LDLRAD3: variants seen among roughly 807,000 people sequenced by gnomAD.
The protein encoded by LDLRAD3 is low-density lipoprotein receptor class A domain-containing protein 3.
LDLRAD3 carries 20 observed loss-of-function variants against 29.4 expected under a neutral mutation model. The observed-to-expected ratio is 0.68, with a 90% CI of 0.48 to 0.99. The LOEUF (loss-of-function observed/expected upper bound fraction) is 0.99, where lower values mean the gene tolerates loss of function less well. Among genes scored for constraint, LDLRAD3 ranks in the 50% least tolerant of loss-of-function variants. The pLI is 0.00. For synonymous variants in LDLRAD3, 157 were observed against 192.7 expected (o/e 0.81, Z 1.53); for missense variants, 420 against 454.3 (o/e 0.92, Z 0.69).
intron 2 of LDLRAD3, among the ~76,000 whole-genome samples, chr11:36,053,042 T>G (rs1452114796): frequency 6.6e-6 from 1 of 151,324 alleles, no homozygotes; most frequent in Non-Finnish European, 1.5e-5. Flanking sequence ...CTTCTTGGAG[T>G]GCCAAAGGGA....
chr11:36,145,086 C>A (rs550013513), intron 4 of LDLRAD3, among the ~76,000 whole-genome samples: 1 of 99,244 alleles, frequency 1.0e-5, no homozygotes, highest in African/African-American at 4.2e-5. Context: ...CCCGGCCAGC[C>A]GCCCCGTCCG....
At chr11:36,011,415 A>G (rs1002887912) in intron 1 of LDLRAD3, among the ~76,000 whole-genome samples, 8 of 152,142 alleles carry the variant, frequency 5.3e-5, no homozygotes, top group Non-Finnish European at 1.2e-4. Context: ...CATGGCCCCA[A>G]TCAGTGAAAA....
At chr11:36,073,648 A>G (rs1475272360) in intron 2 of LDLRAD3, among the ~76,000 whole-genome samples, 3 of 152,364 alleles carry the variant, frequency 2.0e-5, no homozygotes, top group South Asian at 2.1e-4. Context: ...CAGGCATGTG[A>G]TGATGCAAAT....
intron 1 of LDLRAD3, among the ~76,000 whole-genome samples, chr11:35,958,811 G>C (rs1851239235): frequency 6.6e-6 from 1 of 152,142 alleles, no homozygotes; most frequent in Non-Finnish European, 1.5e-5. Flanking sequence ...GTGTTACCTA[G>C]GGGGTGGAAA....
intron 1 of LDLRAD3, among the ~76,000 whole-genome samples, chr11:35,976,043 G>A (rs1215659237): frequency 6.6e-6 from 1 of 151,932 alleles, no homozygotes; most frequent in Non-Finnish European, 1.5e-5. Flanking sequence ...AAGAGGAGTT[G>A]GGCTGGTGAG....
intron 1 of LDLRAD3, among the ~76,000 whole-genome samples, chr11:35,950,193 A>G (rs182740553): frequency 1.4e-4 from 22 of 151,844 alleles, no homozygotes; most frequent in Admixed American, 1.3e-3. Context: ...TCTCGGAGGC[A>G]TTTCTAGACA....
chr11:36,190,869 A>G (rs550037974), intron 4 of LDLRAD3, among the ~76,000 whole-genome samples: 1 of 152,340 alleles, frequency 6.6e-6, no homozygotes, highest in African/African-American at 2.4e-5. Flanking sequence ...GTGTTTTTAC[A>G]AAGGTTCAAG....
chr11:36,200,745 C>T (rs1855115455), intron 4 of LDLRAD3, among the ~76,000 whole-genome samples: 2 of 152,244 alleles, frequency 1.3e-5, no homozygotes, highest in South Asian at 4.1e-4. Context: ...AAAGTGGGGC[C>T]GATGGTGCTC....
intron 4 of LDLRAD3, among the ~76,000 whole-genome samples, chr11:36,108,305 G>C: frequency 9.7e-6 from 1 of 102,700 alleles, no homozygotes; most frequent in South Asian, 3.5e-4. Context: ...GGGTGACAGA[G>C]CGAGACTCCA....
chr11:36,219,663 A>T (rs1855401598), intron 4 of LDLRAD3, among the ~76,000 whole-genome samples: 2 of 152,266 alleles, frequency 1.3e-5, no homozygotes, highest in Admixed American at 1.3e-4. Flanking sequence ...TTTGCTGTGG[A>T]TCATAGACAT....
chr11:36,115,213 T>C (rs750100041), intron 4 of LDLRAD3, among the ~76,000 whole-genome samples: 13 of 152,232 alleles, frequency 8.5e-5, no homozygotes, highest in Non-Finnish European at 1.6e-4. Context: ...GCAGATACTG[T>C]CTGACTGCAA....
chr11:36,213,049 A>ACCCCTCTCTTTCTCTCCCCCT lies in LDLRAD3; in HGVS notation c.455-14034_455-14014dup, dbSNP rs1855305092. Among the ~76,000 whole-genome samples, 1 of 89,928 alleles carries ACCCCTCTCTTTCTCTCCCCCT rather than the reference A, an allele frequency of 1.1e-5. No individual in the cohort carries two copies. Among genetic ancestry groups the ACCCCTCTCTTTCTCTCCCCCT allele is most frequent in the African/African-American group, 4.2e-5 (1 of 23,906 alleles). 59.0% of individuals were successfully genotyped at this position (89,928 alleles called of 152,430 possible). Reference sequence around the variant, plus strand: ...TTCTCTCTCTGTCTCTCTCTCCCCCACCCCTCTCTTTCTCTCCCCCTCGCT... The same window carrying ACCCCTCTCTTTCTCTCCCCCT: ...TTCTCTCTCTGTCTCTCTCTCCCCCACCCCTCTCTTTCTCTCCCCCTCCCCTCTCTTTCTCTCCCCCTCGCT... On this transcript the variant is annotated intron_variant, in intron 4 of 5. Coordinates refer to ENST00000315571, the MANE Select transcript of LDLRAD3 (RefSeq NM_174902.4). This position sits in a 1 kb window ranked among gnomAD's most constrained non-coding sequence, Gnocchi z 4.1.
chr11:36,191,629 CA>C (rs1565292308), intron 4 of LDLRAD3, among the ~76,000 whole-genome samples: 1 of 130,350 alleles, frequency 7.7e-6, no homozygotes, highest in African/African-American at 3.8e-5. Context: ...CACACGCACG[CA>C]CGCACGCACA....
intron 4 of LDLRAD3, among the ~76,000 whole-genome samples, chr11:36,191,080 A>G (rs1430131259): frequency 6.6e-6 from 1 of 152,230 alleles, no homozygotes; most frequent in Non-Finnish European, 1.5e-5. Context: ...AGAAAGACAC[A>G]GGATATGGGA....
At chr11:36,199,596 C>T (rs981896919) in intron 4 of LDLRAD3, among the ~76,000 whole-genome samples, 3 of 150,518 alleles carry the variant, frequency 2.0e-5, no homozygotes, top group East Asian at 2.0e-4. Context: ...CACGCACGCA[C>T]GCGTGCGCGC....
intron 2 of LDLRAD3, among the ~76,000 whole-genome samples, chr11:36,038,729 T>C (rs1852337982): frequency 1.3e-5 from 2 of 152,164 alleles, no homozygotes. Context: ...ATTATTTTTT[T>C]CCCCTGACTT....
intron 1 of LDLRAD3, among the ~76,000 whole-genome samples, chr11:36,019,398 T>C (rs1460693199): frequency 6.6e-6 from 1 of 152,214 alleles, no homozygotes; most frequent in Non-Finnish European, 1.5e-5. Context: ...CTGCTGGCAT[T>C]TCCTATGTCA....
At chr11:35,993,623 A>G (rs1278746367) in intron 1 of LDLRAD3, among the ~76,000 whole-genome samples, 1 of 151,536 alleles carries the variant, frequency 6.6e-6, no homozygotes, top group African/African-American at 2.4e-5. Context: ...TCAGTATCAG[A>G]TAATTGTGCC....
intron 2 of LDLRAD3, among the ~76,000 whole-genome samples, chr11:36,064,010 C>T (rs951717148): frequency 6.6e-6 from 1 of 152,098 alleles, no homozygotes; most frequent in Non-Finnish European, 1.5e-5. Flanking sequence ...GGGAGTATTG[C>T]CATCTTACCC....
Sources: allele counts gnomAD v4.1 joint callset (sites outside exome capture counted in the v4.1 genomes callset), GRCh38; gene constraint gnomAD v4.1.1; non-coding constraint Gnocchi (gnomAD v3.1); transcripts MANE v1.5; gene names NCBI Gene and HGNC (gene_info 2026-07-23, HGNC 2026-07-21).